Variants in CD163L1 observed in about 807,000 individuals in gnomAD.
CD163L1 encodes scavenger receptor cysteine-rich type 1 protein M160.
CD163L1 carries 124 observed loss-of-function variants against 165.4 expected under a neutral mutation model. The ratio of observed to expected loss-of-function variants is 0.75; its 90% CI spans 0.65 to 0.87. The LOEUF is 0.87. CD163L1 is among the 40% of genes least tolerant of loss of function. CD163L1 has a pLI of 0.00. For missense variants in CD163L1, 1,525 were observed against 1,799.9 expected (o/e 0.85, Z 2.76); for synonymous variants, 585 against 662.2 (o/e 0.88, Z 1.79).
intron 4 of CD163L1, among the ~76,000 whole-genome samples, chr12:7,409,093 CAAG>C (rs1287621882): frequency 1.3e-5 from 2 of 152,012 alleles, no homozygotes; most frequent in East Asian, 3.9e-4. Context: ...AGCATTTTTC[CAAG>C]AAGAGATTAT....
intron 18 of CD163L1, among the ~76,000 whole-genome samples, chr12:7,361,407 A>C (rs1017606505): frequency 1.1e-4 from 16 of 152,162 alleles, no homozygotes; most frequent in Non-Finnish European, 2.2e-4. Context: ...ACTAGGAAGT[A>C]ATAAGAGAAA....
chr12:7,380,381 G>GTGTGTATACGCGTATACATACATGTA lies in CD163L1; in HGVS notation c.2051-1084_2051-1083insTACATGTATGTATACGCGTATACACA, dbSNP rs1947369842. 2.8e-5 allele frequency among the ~76,000 whole-genome samples: 4 copies of GTGTGTATACGCGTATACATACATGTA among 140,982 alleles called. No homozygotes were observed. The East Asian group carries it at 8.4e-4, about 30-fold the overall frequency. The allele number at this position is 140,982 out of a possible 152,430, so 92.5% of individuals were successfully genotyped here. The stretch of plus-strand genomic sequence containing the variant: ...TGTATACGCGTATACATACATGTAT[G>GTGTGTATACGCGTATACATACATGTA]TGTGTATATGCGTATACACACATGT... On this transcript the variant is annotated intron_variant, in intron 8 of 19. Transcript: ENST00000313599.
intron 5 of CD163L1, among the ~76,000 whole-genome samples, chr12:7,405,721 G>A (rs1948002642): frequency 1.3e-5 from 2 of 152,146 alleles, no homozygotes; most frequent in South Asian, 4.1e-4. Flanking sequence ...TGTAAGGCTG[G>A]TAACGTAAGG....
intron 3 of CD163L1, 163 bp downstream of exon 3, chr12:7,433,211 A>C (rs905844473): frequency 3.7e-6 from 2 of 543,552 alleles, no homozygotes; most frequent in African/African-American, 1.9e-5. Context: ...AAGAAAAGCA[A>C]TTAGACATTA....
intron 8 of CD163L1, among the ~76,000 whole-genome samples, chr12:7,380,338 T>TATACATACATGTATGTGTGTATACGCGG (rs1947363624): frequency 6.8e-6 from 1 of 147,610 alleles, no homozygotes; most frequent in Non-Finnish European, 1.5e-5. Flanking sequence ...TGTATACACG[T>TATACATACATGTATGTGTGTATACGCGG]ATACATACAT....
chr12:7,421,495 ATATG>A lies in CD163L1; in HGVS notation c.766+10917_766+10920del, dbSNP rs1413202069. On this transcript the variant is annotated intron_variant, in intron 4 of 19. Transcript: ENST00000313599. ...TATACATATATGTACATATATACAT[ATATG>A]TACATATACATATACATATATGTAC... Among the ~76,000 whole-genome samples, 29 of 111,818 alleles carry A rather than the reference ATATG, an allele frequency of 2.6e-4. 1 individual carries two copies. The highest frequency in any genetic ancestry group is 1.2e-3 in the South Asian group (4 of 3,238). The allele number at this position is 111,818 out of a possible 152,430, so 73.4% of individuals were successfully genotyped here.
At chr12:7,345,677 G>A (rs942216796), downstream of CD163L1, among the ~76,000 whole-genome samples, 1 of 152,150 alleles carries the variant, frequency 6.6e-6, no homozygotes, top group Admixed American at 6.5e-5. Context: ...AATTTTCTGT[G>A]TTAGGCTGTT....
chr12:7,380,450 A>G (rs1347891046), intron 8 of CD163L1, among the ~76,000 whole-genome samples: 1 of 150,040 alleles, frequency 6.7e-6, no homozygotes, highest in African/African-American at 2.4e-5. Context: ...ACTCAGCCAT[A>G]AAGAGGAATG....
chr12:7,331,459 A>G, the CD163L1 span, among the ~76,000 whole-genome samples: 1 of 152,226 alleles, frequency 6.6e-6, no homozygotes, highest in Non-Finnish European at 1.5e-5. Context: ...ATGCAGCTTG[A>G]GATCTGAGAA....
intron 4 of CD163L1, among the ~76,000 whole-genome samples, chr12:7,421,434 TATATAC>T (rs1201151846): frequency 2.5e-5 from 3 of 119,252 alleles, no homozygotes; most frequent in African/African-American, 6.9e-5. Context: ...TATATGTACA[TATATAC>T]ATATACATAT....
At chr12:7,408,971 A>G (rs1948081554) in intron 4 of CD163L1, among the ~76,000 whole-genome samples, 1 of 152,202 alleles carries the variant, frequency 6.6e-6, no homozygotes, top group Non-Finnish European at 1.5e-5. Flanking sequence ...GGAAAAAAAG[A>G]AGAAATAAAG....
At chr12:7,365,004 G>A (rs1246603761) in intron 18 of CD163L1, among the ~76,000 whole-genome samples, 6 of 151,964 alleles carry the variant, frequency 3.9e-5, no homozygotes, top group African/African-American at 7.2e-5. Context: ...TGGAGGCATC[G>A]CATTACCTGA....
At chr12:7,325,046 G>C in the CD163L1 span, among the ~76,000 whole-genome samples, 1 of 152,134 alleles carries the variant, frequency 6.6e-6, no homozygotes, top group Admixed American at 6.5e-5. Context: ...TTCAGGGAAG[G>C]ATACAGCTCT....
At chr12:7,429,191 A>G (rs1228183917) in intron 4 of CD163L1, among the ~76,000 whole-genome samples, 1 of 152,084 alleles carries the variant, frequency 6.6e-6, no homozygotes, top group African/African-American at 2.4e-5. Flanking sequence ...CAATTAAAAC[A>G]TATTTTAGGT....
the CD163L1 span, among the ~76,000 whole-genome samples, chr12:7,330,292 T>G: frequency 3.7e-4 from 56 of 152,322 alleles, no homozygotes; most frequent in South Asian, 8.3e-4. Flanking sequence ...TAGCCACCTG[T>G]GTGGGAAGCC....
At chr12:7,366,700 C>T (rs1041990512) in intron 18 of CD163L1, among the ~76,000 whole-genome samples, 2 of 152,102 alleles carry the variant, frequency 1.3e-5, no homozygotes, top group African/African-American at 4.8e-5. Flanking sequence ...TGGAAAGTCA[C>T]TTTGCCAGAT....
At chr12:7,433,101 T>C (rs142174512) in intron 3 of CD163L1, among the ~76,000 whole-genome samples, 1 of 152,310 alleles carries the variant, frequency 6.6e-6, no homozygotes, top group African/African-American at 2.4e-5. Flanking sequence ...AACTCAATTA[T>C]AGTTATGATA....
intron 4 of CD163L1, among the ~76,000 whole-genome samples, chr12:7,421,609 A>ATACGTG (rs1948429070): frequency 1.1e-4 from 1 of 8,904 alleles, no homozygotes; most frequent in Non-Finnish European, 4.0e-4. Context: ...ATGTACACAT[A>ATACGTG]TACATATATG....
chr12:7,398,409 C>T lies in CD163L1; in HGVS notation c.1584G>A (p.Met528Ile), dbSNP rs997926700. ...GCGKPLHVFG[M>I]TYFKEASGPI... ...GTCCTGATGCTTCTTTAAAATAGGT[C>T]ATACCAAACACATGCAAAGGCTTTC... The change falls in exon 7 of 20, where the codon ATG (methionine) becomes ATA (isoleucine). Residue 528 changes from methionine to isoleucine, a missense_variant. Met to Ile is a conservative substitution (Grantham distance 10). Coordinates refer to ENST00000313599, the MANE Select transcript of CD163L1 (RefSeq NM_174941.6). The surrounding 1 kb of genome is among the most constrained non-coding windows in gnomAD (Gnocchi z 4.5). 1.2e-6 allele frequency: 2 copies of T among 1,614,110 alleles called. No homozygotes were observed. The highest frequency in any genetic ancestry group is 1.7e-5 in the Admixed American group (1 of 60,004).
Sources: allele counts gnomAD v4.1 joint callset (sites outside exome capture counted in the v4.1 genomes callset), GRCh38; gene constraint gnomAD v4.1.1; non-coding constraint Gnocchi (gnomAD v3.1); transcripts MANE v1.5; gene names NCBI Gene and HGNC (gene_info 2026-07-23, HGNC 2026-07-21).